Variants in IGSF21 observed in about 807,000 individuals in gnomAD.
IGSF21 encodes the protein immunoglobin superfamily member 21, also known as immunoglobulin superfamily member 21.
Under a neutral mutation model 46.8 loss-of-function variants are expected in IGSF21, and 28 were observed. The observed-to-expected ratio is 0.60, with a 90% CI of 0.44 to 0.82. The LOEUF is 0.82. Among genes scored for constraint, IGSF21 ranks in the 40% least tolerant of loss-of-function variants. The pLI is 0.00. For synonymous variants in IGSF21, 284 were observed against 273.6 expected, an observed-to-expected ratio of 1.04 and a Z score of -0.38; for missense variants, 624 against 665.5, an observed-to-expected ratio of 0.94 and a Z score of 0.69.
At chr1:18,346,866 G>T (rs966920992) in intron 4 of IGSF21, among the ~76,000 whole-genome samples, 4 of 152,162 alleles carry the variant, frequency 2.6e-5, no homozygotes, top group Non-Finnish European at 5.9e-5. Context: ...GTGGTCAGGG[G>T]CCCCTGAGCT....
chr1:18,252,158 C>T (rs1320156600), intron 2 of IGSF21, among the ~76,000 whole-genome samples: 2 of 144,652 alleles, frequency 1.4e-5, no homozygotes, highest in Non-Finnish European at 3.0e-5. Flanking sequence ...CCATGCCATT[C>T]TCCTGCCTCA....
chr1:18,144,191 G>T (rs2086444645), intron 1 of IGSF21, among the ~76,000 whole-genome samples: 1 of 152,156 alleles, frequency 6.6e-6, no homozygotes, highest in Non-Finnish European at 1.5e-5. Flanking sequence ...GCCAGCAGGA[G>T]CCTCTGCTCC....
In IGSF21 at chr1:18,109,344, C is replaced by T. The variant is rs929408508; in HGVS notation, c.70+1146C>T. 1 of 152,030 alleles carries T rather than the reference C, an allele frequency of 6.6e-6. No homozygotes were observed. Among genetic ancestry groups the T allele is most frequent in the Non-Finnish European group, 1.5e-5 (1 of 68,018 alleles). 9.4% of individuals were successfully genotyped at this position (152,030 alleles called of 1,614,324 possible). ...TGGCTGGAGTCAGAGCCTGGCTCCG[C>T]CTCGGAGGGGAGCGGGACGCGAGGT... On this transcript the variant is annotated intron_variant, in intron 1 of 9. Transcript: ENST00000251296. This position sits in a 1 kb window ranked among gnomAD's most constrained non-coding sequence, Gnocchi z 4.8.
At chr1:18,245,953 G>A (rs1214117916) in intron 2 of IGSF21, among the ~76,000 whole-genome samples, 2 of 152,196 alleles carry the variant, frequency 1.3e-5, no homozygotes, top group Non-Finnish European at 2.9e-5. Context: ...TGACAAAGAA[G>A]GGGAAACCAA....
intron 1 of IGSF21, among the ~76,000 whole-genome samples, chr1:18,221,983 T>C (rs2084515096): frequency 6.6e-6 from 1 of 152,058 alleles, no homozygotes; most frequent in Non-Finnish European, 1.5e-5. Flanking sequence ...ATTTTACAGA[T>C]GAGGAAACTG....
At chr1:18,125,179 A>G (rs2086265615) in intron 1 of IGSF21, among the ~76,000 whole-genome samples, 1 of 152,180 alleles carries the variant, frequency 6.6e-6, no homozygotes, top group African/African-American at 2.4e-5. Context: ...CAGCTGCCCC[A>G]GGGCCTTTGC....
At position 18,178,454 on chromosome 1, in the gene IGSF21, T is replaced by A. The variant is rs1431447092; in HGVS notation, c.71-49444T>A. Among the ~76,000 whole-genome samples the A allele has an allele frequency of 2.6e-5, 4 of 152,312 alleles. No homozygotes were observed. In the East Asian group the frequency reaches 7.7e-4, roughly 29 times the overall value. On this transcript the variant is annotated intron_variant, in intron 1 of 9. Transcript: ENST00000251296. ...TTGAACGAGTTATCTAACTTCATGTTGCCTCAGTTTCTGCATCTGTGAAGT... is the reference window on the plus strand; with the variant it reads ...TTGAACGAGTTATCTAACTTCATGTAGCCTCAGTTTCTGCATCTGTGAAGT...
At position 18,225,085 on chromosome 1, in the gene IGSF21, T is replaced by TCTCTCTCTCTCTCTCA; in HGVS notation, c.71-2812_71-2811insTCTCTCTCTCTCTCAC. 7.9e-4 allele frequency among the ~76,000 whole-genome samples: 41 copies of TCTCTCTCTCTCTCTCA among 51,608 alleles called. No individual in the cohort carries two copies. In the South Asian group the frequency reaches 0.016, roughly 20 times the overall value. 33.9% of individuals were successfully genotyped at this position (51,608 alleles called of 152,430 possible). A position where few individuals can be genotyped will look rare whatever the true frequency, so the allele number is the denominator to read the frequency against. ...GTATCTCTCTCTCTCTCTCTCTCTCTCACACACACACACACACACACACAC... is the reference window on the plus strand; with the variant it reads ...GTATCTCTCTCTCTCTCTCTCTCTCTCTCTCTCTCTCTCTCACACACACACACACACACACACACAC... On this transcript the variant is annotated intron_variant, in intron 1 of 9. Transcript: ENST00000251296.
intron 1 of IGSF21, among the ~76,000 whole-genome samples, chr1:18,181,448 T>C (rs1427230058): frequency 6.6e-6 from 1 of 152,136 alleles, no homozygotes; most frequent in Non-Finnish European, 1.5e-5. Flanking sequence ...ATGATAATAA[T>C]AAGGACCTTT....
At chr1:18,313,938 A>G (rs993866506) in intron 3 of IGSF21, among the ~76,000 whole-genome samples, 3 of 152,142 alleles carry the variant, frequency 2.0e-5, no homozygotes, top group African/African-American at 7.2e-5. Flanking sequence ...CCTTTATTAC[A>G]GCCGTCTCAG....
intron 6 of IGSF21, among the ~76,000 whole-genome samples, chr1:18,373,788 C>T (rs547986762): frequency 6.6e-6 from 1 of 152,206 alleles, no homozygotes; most frequent in African/African-American, 2.4e-5. Context: ...CCACTGCCCC[C>T]CTGGAGGGCC....
chr1:18,116,263 CT>C (rs2086189292), intron 1 of IGSF21, among the ~76,000 whole-genome samples: 2 of 152,164 alleles, frequency 1.3e-5, no homozygotes, highest in African/African-American at 4.8e-5. Context: ...TTGTTACACA[CT>C]TGCCAGCACA....
At chr1:18,150,010 T>C (rs2086507360) in intron 1 of IGSF21, among the ~76,000 whole-genome samples, 1 of 152,110 alleles carries the variant, frequency 6.6e-6, no homozygotes, top group African/African-American at 2.4e-5. Flanking sequence ...TCCCAGCACT[T>C]TGGGAGGCCG....
chr1:18,157,825 G>A (rs530600691), intron 1 of IGSF21, among the ~76,000 whole-genome samples: 69 of 152,188 alleles, frequency 4.5e-4, no homozygotes, highest in African/African-American at 1.6e-3. Flanking sequence ...GTCTTGGAGG[G>A]GAGGGGTGTT....
chr1:18,159,516 C>T (rs547127653), intron 1 of IGSF21, among the ~76,000 whole-genome samples: 8 of 152,290 alleles, frequency 5.3e-5, no homozygotes, highest in Non-Finnish European at 1.2e-4. Context: ...CTCACGAGAT[C>T]TGATGGTTTT....
chr1:18,332,760 G>A (rs1384963543), intron 3 of IGSF21, among the ~76,000 whole-genome samples: 3 of 152,274 alleles, frequency 2.0e-5, no homozygotes, highest in Admixed American at 2.0e-4. Context: ...ACAGTCGGTA[G>A]ACCAGATGTC....
chr1:18,149,137 C>T (rs1293112332), intron 1 of IGSF21, among the ~76,000 whole-genome samples: 9 of 152,286 alleles, frequency 5.9e-5, no homozygotes, highest in Admixed American at 1.3e-4. Context: ...CTGGGACAGG[C>T]GTGTCACTGA....
In IGSF21 at chr1:18,267,523, G is replaced by T. The variant is rs921014690; in HGVS notation, c.184-24343G>T. On this transcript the variant is annotated intron_variant, in intron 2 of 9. Coordinates refer to ENST00000251296, the MANE Select transcript of IGSF21 (RefSeq NM_032880.5). ...CTCCACAGCAGCCACTATGGAAAAA[G>T]ACATTTCTAGGCTCAGAGGGAGAGT... Among the ~76,000 whole-genome samples, 38 of 152,194 alleles carry T rather than the reference G, an allele frequency of 2.5e-4. 1 individual carries two copies. The highest frequency in any genetic ancestry group is 2.0e-3 in the Admixed American group (31 of 15,280).
rs376144958 is a variant in IGSF21 at position 18,310,660 on chromosome 1, G to T, written c.305+18673G>T. ...TCAGAGATGCTGCCTGTGCTTGTTT[G>T]CCAAGGCTGCTGTAACAAAATGCCA... On this transcript the variant is annotated intron_variant, in intron 3 of 9. Transcript: ENST00000251296. 1.8e-4 allele frequency among the ~76,000 whole-genome samples: 28 copies of T among 152,336 alleles called. No homozygotes were observed. The East Asian group carries it at 2.5e-3, about 14-fold the overall frequency.
Sources: allele counts gnomAD v4.1 joint callset (sites outside exome capture counted in the v4.1 genomes callset), GRCh38; gene constraint gnomAD v4.1.1; non-coding constraint Gnocchi (gnomAD v3.1); transcripts MANE v1.5; gene names NCBI Gene and HGNC (gene_info 2026-07-23, HGNC 2026-07-21).